IFT27: variants seen among roughly 807,000 people sequenced by gnomAD.
The protein encoded by IFT27 is intraflagellar transport protein 27 homolog.
In IFT27, 19 loss-of-function variants were observed where a neutral mutation model predicts 23.9. That is an observed-to-expected ratio of 0.79 (90% CI 0.55 to 1.16). The LOEUF (loss-of-function observed/expected upper bound fraction) is 1.16. Among genes scored for constraint, IFT27 ranks in the 50% most tolerant of loss-of-function variants. The pLI, the probability that IFT27 is intolerant of heterozygous loss-of-function variation, is 0.00. For missense variants in IFT27, 206 were observed against 228.7 expected (o/e 0.90, Z 0.64); for synonymous variants, 91 against 89.1 (o/e 1.02, Z -0.12).
intron 3 of IFT27, 36 bp downstream of exon 3, chr22:36,767,270 G>C (rs777685896): frequency 1.9e-6 from 3 of 1,578,822 alleles, no homozygotes; most frequent in Non-Finnish European, 2.6e-6. Flanking sequence ...CCAGCTGGGG[G>C]AGCCCTGAGT....
At chr22:36,770,550 C>A (rs1163834034) in intron 1 of IFT27, among the ~76,000 whole-genome samples, 3 of 152,228 alleles carry the variant, frequency 2.0e-5, no homozygotes, top group Non-Finnish European at 2.9e-5. Context: ...TTCCTCCAAC[C>A]TCAGTCTGTC....
rs1045358437 is a variant in IFT27, at chr22:36,767,361, G to A, written c.119C>T (p.Thr40Ile). ...AHFQKSYTLT[T>I]GMDLVVKTVP... is the part of the protein sequence containing the mutation. ...TGTCTTCACCACCAAATCCATTCCT[G>A]TTGTCTGCCGAGGAACACCAAGAAT... is the stretch of plus-strand genomic sequence containing the variant. Residue 40 changes from threonine (T) to isoleucine (I), a missense_variant, in exon 3 of 7, where the codon ACA (threonine) becomes ATA (isoleucine). Physicochemically the swap from Thr to Ile is moderately conservative, Grantham distance 89. Coordinates refer to ENST00000433985, the MANE Select transcript of IFT27 (RefSeq NM_001177701.3). 5 of 1,612,432 alleles carry A rather than the reference G, an allele frequency of 3.1e-6. No individual in the cohort carries two copies. In the African/African-American group the frequency reaches 4.0e-5, roughly 13 times the overall value.
At chr22:36,759,046 A>C (rs757990369) in intron 6 of IFT27, 2 of 152,562 alleles carry the variant, frequency 1.3e-5, no homozygotes, top group Non-Finnish European at 2.9e-5. Context: ...CAGGAGGGTG[A>C]CGGGTCCCAA....
chr22:36,766,439 T>C, intron 3 of IFT27: 1 of 519,402 alleles, frequency 1.9e-6, no homozygotes, highest in Non-Finnish European at 3.5e-6. Context: ...CTGTGTGGAG[T>C]CTCACCTCTT....
rs1341022100 is a variant in IFT27, at chr22:36,766,133, C to G, written c.234+5G>C. 1.2e-6 allele frequency: 2 copies of G among 1,613,268 alleles called. No homozygotes were observed. The highest frequency in any genetic ancestry group is 1.7e-6 in the Non-Finnish European group (2 of 1,179,274). The stretch of plus-strand genomic sequence containing the variant: ...CAGTCAGGAAAAAGACCACGTGCTA[C>G]TTGCCAATTTATCCAGCATTTCCGA... On this transcript the variant is annotated splice_donor_5th_base_variant and intron_variant, in intron 4 of 6. Coordinates refer to ENST00000433985, the MANE Select transcript of IFT27 (RefSeq NM_001177701.3).
chr22:36,769,192 T>G (rs1035211671), intron 1 of IFT27, among the ~76,000 whole-genome samples: 3 of 152,230 alleles, frequency 2.0e-5, no homozygotes, highest in Admixed American at 2.0e-4. Context: ...GCCCCCCTCA[T>G]GGACCTGTTC....
In IFT27 at chr22:36,775,829, T is replaced by A; in HGVS notation, c.-122A>T. The A allele has an allele frequency of 1.2e-6, 1 of 845,576 alleles. No homozygotes were observed. Among genetic ancestry groups the A allele is most frequent in the South Asian group, 1.3e-5 (1 of 76,078 alleles). 52.4% of individuals were successfully genotyped at this position (845,576 alleles called of 1,614,324 possible). ...GAAGGTGGGGAGGGGAGGGCTGATC[T>A]CAAGGGTCAGTGGCCGCGACGGGAC... On this transcript the variant is annotated 5_prime_UTR_variant, in exon 1 of 7. Coordinates refer to ENST00000433985, the MANE Select transcript of IFT27 (RefSeq NM_001177701.3).
chr22:36,765,071 C>A (rs1262651119), intron 4 of IFT27, among the ~76,000 whole-genome samples: 1 of 152,204 alleles, frequency 6.6e-6, no homozygotes, highest in Non-Finnish European at 1.5e-5. Flanking sequence ...TGGCTTCTGG[C>A]AGTGTCAGGG....
chr22:36,770,554 G>A (rs1361619011), intron 1 of IFT27, among the ~76,000 whole-genome samples: 1 of 152,176 alleles, frequency 6.6e-6, no homozygotes, highest in Non-Finnish European at 1.5e-5. Context: ...TCCAACCTCA[G>A]TCTGTCTACA....
chr22:36,762,829 G>A (rs1416028686), intron 6 of IFT27, 75 bp downstream of exon 6: 8 of 826,894 alleles, frequency 9.7e-6, no homozygotes, highest in Middle Eastern at 2.7e-4. Context: ...CTCCCTGCAC[G>A]TGAGGTCATG....
rs1423417757 is a variant in IFT27, at chr22:36,775,582, T to C, written c.34+92A>G. 7.3e-6 allele frequency: 10 copies of C among 1,360,720 alleles called. No homozygotes were observed. The East Asian group carries it at 1.4e-4, about 19-fold the overall frequency. The allele number at this position is 1,360,720 out of a possible 1,614,324, so 84.3% of individuals were successfully genotyped here. On this transcript the variant is annotated intron_variant, in intron 1 of 6. Transcript: ENST00000433985. The stretch of plus-strand genomic sequence containing the variant: ...CCTTTGGGAGAGAGAAAGGAAAAGG[T>C]AGGCAATTTAGGTGAACAAAAGCTC...
chr22:36,762,747 A>C, intron 6 of IFT27, 157 bp downstream of exon 6: 1 of 462,782 alleles, frequency 2.2e-6, no homozygotes, highest in Non-Finnish European at 3.9e-6. Flanking sequence ...CTACTGCTAT[A>C]CTGAGAAGAG....
At chr22:36,766,248 C>T (rs143187070) in intron 3 of IFT27, 51 bp from the exon 4 acceptor site, 145 of 1,490,606 alleles carry the variant, frequency 9.7e-5, no homozygotes, top group Non-Finnish European at 1.2e-4. Context: ...CCACAAGCTA[C>T]GAGTCACTGG....
At chr22:36,772,726 T>C in intron 1 of IFT27, 1 of 985,214 alleles carries the variant, frequency 1.0e-6, no homozygotes, top group African/African-American at 1.7e-5. Context: ...GAGTATCTGT[T>C]CAATGCATAA....
At chr22:36,761,307 A>G (rs1191333192) in intron 6 of IFT27, 1 of 152,230 alleles carries the variant, frequency 6.6e-6, no homozygotes, top group East Asian at 1.9e-4. Context: ...GGAAGGGAGA[A>G]TACTGAAATC....
At position 36,767,295 on chromosome 22, in the gene IFT27, G is replaced by A; in HGVS notation, c.174+11C>T. 6.2e-7 allele frequency: 1 copy of A among 1,611,608 alleles called. No homozygotes were observed. The highest frequency in any genetic ancestry group is 8.5e-7 in the Non-Finnish European group (1 of 1,177,988). ...GAGCCCTGAGTTCCCCTGGGTAAAGGCATCACTCACCACACTGTCTCCCGT... is the reference window on the plus strand; with the variant it reads ...GAGCCCTGAGTTCCCCTGGGTAAAGACATCACTCACCACACTGTCTCCCGT... On this transcript the variant is annotated intron_variant, in intron 3 of 6. Coordinates refer to ENST00000433985, the MANE Select transcript of IFT27 (RefSeq NM_001177701.3).
chr22:36,771,025 C>A (rs1021990530), intron 1 of IFT27, among the ~76,000 whole-genome samples: 11 of 152,174 alleles, frequency 7.2e-5, no homozygotes, highest in African/African-American at 2.4e-4. Context: ...ACCCCAGCAG[C>A]ACTAACTGCT....
chr22:36,766,897 C>T (rs1246172734), intron 3 of IFT27, among the ~76,000 whole-genome samples: 2 of 151,502 alleles, frequency 1.3e-5, no homozygotes, highest in East Asian at 3.9e-4. Context: ...TACCTGGGAA[C>T]TCACCTTTCT....
intron 1 of IFT27, chr22:36,768,158 C>T (rs146435470): frequency 4.6e-4 from 239 of 524,098 alleles, no homozygotes; most frequent in Non-Finnish European, 6.6e-4. Context: ...ACGGAACTGA[C>T]GCTCTTCCAC....
Sources: allele counts gnomAD v4.1 joint callset (sites outside exome capture counted in the v4.1 genomes callset), GRCh38; gene constraint gnomAD v4.1.1; transcripts MANE v1.5; gene names NCBI Gene and HGNC (gene_info 2026-07-23, HGNC 2026-07-21).